Variants in FSTL5 observed in about 807,000 individuals in gnomAD.
FSTL5 encodes follistatin-related protein 5.
A neutral mutation model predicts 89.1 loss-of-function variants in FSTL5; 62 were observed. The observed-to-expected ratio is 0.70, with a 90% CI of 0.57 to 0.86. FSTL5 has a LOEUF of 0.86. Ranked by LOEUF, FSTL5 falls within the 40% of genes least tolerant of loss-of-function variation. FSTL5 has a pLI of 0.00. For synonymous variants in FSTL5, 383 were observed against 346.2 expected, an observed-to-expected ratio of 1.11 and a Z score of -1.18; for missense variants, 1,057 against 1,001.6, an observed-to-expected ratio of 1.06 and a Z score of -0.75.
intron 8 of FSTL5, among the ~76,000 whole-genome samples, chr4:161,565,161 A>T (rs1732753047): frequency 6.6e-6 from 1 of 151,918 alleles, no homozygotes; most frequent in Non-Finnish European, 1.5e-5. Context: ...CCGTATTAAC[A>T]GAAAACTAAT....
At chr4:161,556,862 A>ATATATATATAT (rs1182255819) in intron 8 of FSTL5, among the ~76,000 whole-genome samples, 3 of 149,872 alleles carry the variant, frequency 2.0e-5, no homozygotes, top group Non-Finnish European at 3.0e-5. Context: ...ATATATATAT[A>ATATATATATAT]ATCCTGGATT....
chr4:161,824,953 G>A (rs1221353510), intron 4 of FSTL5, among the ~76,000 whole-genome samples: 1 of 152,086 alleles, frequency 6.6e-6, no homozygotes, highest in Non-Finnish European at 1.5e-5. Flanking sequence ...GGGAGAGTGG[G>A]CATTCTTGTC....
At chr4:161,601,911 A>C (rs1734252001) in intron 7 of FSTL5, among the ~76,000 whole-genome samples, 1 of 152,180 alleles carries the variant, frequency 6.6e-6, no homozygotes, top group Non-Finnish European at 1.5e-5. Flanking sequence ...TGTACATTTC[A>C]ACTAAAAATT....
In FSTL5 at chr4:162,111,357, T is replaced by C. The variant is rs775887300; in HGVS notation, c.40A>G (p.Ile14Val). 10 of 1,612,496 alleles carry C rather than the reference T, an allele frequency of 6.2e-6. No individual in the cohort carries two copies. Among genetic ancestry groups the C allele is most frequent in the African/African-American group, 1.3e-5 (1 of 74,980 alleles). Reference protein sequence around the residue: ...CWSVVLVLGFIFLESEGRPTK... With the variant: ...CWSVVLVLGFVFLESEGRPTK... Reference sequence around the variant, plus strand: ...GGCCTTCCTTCCGACTCCAGAAAAATGAATCCGAGAACCAAGACAACTGAC... The same window carrying C: ...GGCCTTCCTTCCGACTCCAGAAAAACGAATCCGAGAACCAAGACAACTGAC... The change falls in exon 2 of 16, where the codon ATT becomes GTT. Residue 14 changes from isoleucine to valine, a missense_variant. By Grantham distance (29) the Ile-to-Val change is conservative. This residue lies in a region of FSTL5 where 980 missense variants were observed against 903.2 expected (regional missense o/e 1.08). Coordinates refer to ENST00000306100, the MANE Select transcript of FSTL5 (RefSeq NM_020116.5).
chr4:161,504,331 A>C (rs1161565491), intron 11 of FSTL5, among the ~76,000 whole-genome samples: 2 of 151,962 alleles, frequency 1.3e-5, no homozygotes, highest in East Asian at 3.9e-4. Context: ...AGTCTCAAAA[A>C]GTTTGAGTAG....
chr4:161,890,327 T>A (rs1462759654), intron 4 of FSTL5, among the ~76,000 whole-genome samples: 1 of 152,128 alleles, frequency 6.6e-6, no homozygotes, highest in Non-Finnish European at 1.5e-5. Flanking sequence ...AAATTCAAAT[T>A]TGGATGGACG....
chr4:161,847,515 A>C (rs552677968), intron 4 of FSTL5, among the ~76,000 whole-genome samples: 4 of 152,296 alleles, frequency 2.6e-5, no homozygotes, highest in African/African-American at 9.6e-5. Flanking sequence ...TCTCCAAAGC[A>C]CTATTTACTG....
intron 15 of FSTL5, among the ~76,000 whole-genome samples, chr4:161,445,289 G>T (rs1250751078): frequency 1.3e-5 from 2 of 151,714 alleles, no homozygotes; most frequent in African/African-American, 2.4e-5. Context: ...CATATATCTA[G>T]TTCACTTTTC....
intron 3 of FSTL5, among the ~76,000 whole-genome samples, chr4:161,975,300 A>G (rs359485): frequency 0.12 from 18,684 of 151,218 alleles, 1,547 homozygotes; most frequent in African/African-American, 0.25. Context: ...AGACACATGC[A>G]CACATATGTT....
intron 6 of FSTL5, among the ~76,000 whole-genome samples, chr4:161,673,523 T>C (rs569128158): frequency 1.6e-4 from 24 of 152,052 alleles, no homozygotes; most frequent in Non-Finnish European, 3.1e-4. Context: ...TCTAAACTAA[T>C]TATAGCATCT....
chr4:161,514,500 T>C (rs1730750940), intron 10 of FSTL5, among the ~76,000 whole-genome samples: 1 of 152,088 alleles, frequency 6.6e-6, no homozygotes, highest in African/African-American at 2.4e-5. Flanking sequence ...AAATAACATA[T>C]TGGGTACAAT....
intron 1 of FSTL5, among the ~76,000 whole-genome samples, chr4:162,148,303 T>C (rs912961800): frequency 1.3e-5 from 2 of 152,220 alleles, no homozygotes; most frequent in African/African-American, 4.8e-5. Flanking sequence ...GAAAAATGGC[T>C]GAACACAATC....
chr4:162,026,457 A>G (rs1003514852), intron 3 of FSTL5, among the ~76,000 whole-genome samples: 1 of 151,256 alleles, frequency 6.6e-6, no homozygotes, highest in Non-Finnish European at 1.5e-5. Flanking sequence ...ACAGGTGCCC[A>G]CCACCACGCT....
At chr4:161,775,835 T>C (rs759493664) in intron 5 of FSTL5, 43 bp downstream of exon 5, 4 of 958,556 alleles carry the variant, frequency 4.2e-6, no homozygotes, top group Non-Finnish European at 6.0e-6. Flanking sequence ...ATATTGTGCA[T>C]GCTATATTTC....
At chr4:161,801,831 C>T (rs2126830098) in intron 4 of FSTL5, among the ~76,000 whole-genome samples, 1 of 151,600 alleles carries the variant, frequency 6.6e-6, no homozygotes, top group South Asian at 2.1e-4. Flanking sequence ...GTGTGAAAGA[C>T]AAATTAAAAA....
At chr4:161,833,694 G>A (rs1730928470) in intron 4 of FSTL5, among the ~76,000 whole-genome samples, 1 of 151,856 alleles carries the variant, frequency 6.6e-6, no homozygotes, top group South Asian at 2.1e-4. Context: ...TCAGAGACTA[G>A]GATTGCAACC....
chr4:161,434,960 C>A (rs1732506323), intron 15 of FSTL5, among the ~76,000 whole-genome samples: 1 of 152,028 alleles, frequency 6.6e-6, no homozygotes, highest in Non-Finnish European at 1.5e-5. Context: ...GGGAACCCTT[C>A]TAGACAGGTA....
chr4:161,557,876 G>A (rs1732446645), intron 8 of FSTL5, among the ~76,000 whole-genome samples: 1 of 151,890 alleles, frequency 6.6e-6, no homozygotes, highest in African/African-American at 2.4e-5. Flanking sequence ...ACGTGCATAT[G>A]TGTTATATGT....
intron 7 of FSTL5, among the ~76,000 whole-genome samples, chr4:161,615,008 C>T (rs571335143): frequency 6.6e-6 from 1 of 151,910 alleles, no homozygotes; most frequent in African/African-American, 2.4e-5. Context: ...GAAATAAAAG[C>T]CTTTGGCTGG....
Sources: gnomAD v4.1 joint callset for allele counts (sites outside exome capture counted in the v4.1 genomes callset) on GRCh38, gnomAD v4.1.1 for gene constraint, gnomAD v4.1.1 regional missense constraint, MANE v1.5 for transcripts, NCBI Gene and HGNC (gene_info 2026-07-23, HGNC 2026-07-21) for gene names.